GRM3: variants seen among roughly 807,000 people sequenced by gnomAD.
The protein encoded by GRM3 is glutamate metabotropic receptor 3.
A neutral mutation model predicts 70.5 loss-of-function variants in GRM3; 26 were observed. The observed-to-expected ratio is 0.37, with a 90% CI of 0.27 to 0.51. The LOEUF is 0.51. Ranked by LOEUF, GRM3 falls within the 20% of genes least tolerant of loss-of-function variation. The pLI, the probability that GRM3 is intolerant of heterozygous loss-of-function variation, is 0.93. For missense variants in GRM3, 859 were observed against 1,123.8 expected (o/e 0.76, Z 3.37); for synonymous variants, 443 against 434.9 (o/e 1.02, Z -0.23).
intron 1 of GRM3, among the ~76,000 whole-genome samples, chr7:86,750,581 A>G (rs1310987737): frequency 1.3e-5 from 2 of 152,078 alleles, no homozygotes; most frequent in African/African-American, 4.8e-5. Context: ...AAATCATTGA[A>G]ACTGGTGCTG....
rs185833543 is a variant in GRM3, at chr7:86,823,104, G to C, written c.1325-15735G>C. 3.9e-5 allele frequency among the ~76,000 whole-genome samples: 6 copies of C among 152,204 alleles called. No homozygotes were observed. The East Asian group carries it at 9.7e-4, about 24-fold the overall frequency. On this transcript the variant is annotated intron_variant, in intron 3 of 5. Coordinates refer to ENST00000361669, the MANE Select transcript of GRM3 (RefSeq NM_000840.3). ...AACCAGAAAAGAAGGGGACAGACTA[G>C]GAACAGAAAATCAGCTGCAAGGCTA... is the stretch of plus-strand genomic sequence containing the variant.
intron 1 of GRM3, among the ~76,000 whole-genome samples, chr7:86,669,185 A>G (rs1312759287): frequency 6.6e-6 from 1 of 152,162 alleles, no homozygotes; most frequent in Non-Finnish European, 1.5e-5. Flanking sequence ...GGCTGCACAT[A>G]ACATCACCTT....
At chr7:86,770,869 C>A (rs943293472) in intron 2 of GRM3, among the ~76,000 whole-genome samples, 3 of 152,012 alleles carry the variant, frequency 2.0e-5, no homozygotes, top group African/African-American at 7.2e-5. Context: ...TCTAGAGCAA[C>A]CTTGGCACTA....
chr7:86,772,065 C>T (rs1201702209), intron 2 of GRM3, among the ~76,000 whole-genome samples: 2 of 152,106 alleles, frequency 1.3e-5, no homozygotes, highest in Non-Finnish European at 2.9e-5. Flanking sequence ...GTAAATATAA[C>T]TGTTCATTTG....
intron 1 of GRM3, among the ~76,000 whole-genome samples, chr7:86,732,529 G>A (rs1795758483): frequency 6.6e-6 from 1 of 152,180 alleles, no homozygotes; most frequent in South Asian, 2.1e-4. Flanking sequence ...TAATAATGGT[G>A]TTAAGAACAA....
intron 1 of GRM3, among the ~76,000 whole-genome samples, chr7:86,723,893 A>G (rs1281837024): frequency 2.6e-5 from 4 of 152,162 alleles, no homozygotes. Context: ...AGCACAATGC[A>G]AGATTGGTGT....
chr7:86,702,229 A>G (rs372226007), intron 1 of GRM3, among the ~76,000 whole-genome samples: 2 of 151,992 alleles, frequency 1.3e-5, no homozygotes, highest in East Asian at 3.9e-4. Context: ...CTTCCTAGAT[A>G]ATCTGGGGAT....
At chr7:86,732,596 A>C (rs1208150615) in intron 1 of GRM3, among the ~76,000 whole-genome samples, 3 of 152,206 alleles carry the variant, frequency 2.0e-5, no homozygotes, top group African/African-American at 7.2e-5. Context: ...GCAATGTTCC[A>C]AGGATTAACT....
chr7:86,836,172 T>C (rs1211750742), intron 3 of GRM3, among the ~76,000 whole-genome samples: 2 of 152,138 alleles, frequency 1.3e-5, no homozygotes, highest in East Asian at 3.8e-4. Flanking sequence ...CATGGGAGTA[T>C]TAGTTGGTAA....
intron 1 of GRM3, among the ~76,000 whole-genome samples, chr7:86,748,627 T>G (rs1012665598): frequency 6.6e-6 from 1 of 152,098 alleles, no homozygotes; most frequent in Non-Finnish European, 1.5e-5. Flanking sequence ...TACTAAAACA[T>G]TTTATAATCT....
chr7:86,786,429 G>C lies in GRM3; in HGVS notation c.637G>C (p.Val213Leu). 1 of 1,614,110 alleles carries C rather than the reference G, an allele frequency of 6.2e-7. No homozygotes were observed. The highest frequency in any genetic ancestry group is 8.5e-7 in the Non-Finnish European group (1 of 1,179,926). ...CTTGCGCTTCTTCAACTGGACCTAC[G>C]TGTCCACAGTAGCCTCCGAGGGTGA... The part of the protein sequence containing the change: ...EILRFFNWTY[V>L]STVASEGDYG... The change falls in exon 3 of 6, where the codon GTG becomes CTG. Residue 213 changes from valine (V) to leucine (L), a missense_variant. Val to Leu is a conservative substitution (Grantham distance 32). Coordinates refer to ENST00000361669, the MANE Select transcript of GRM3 (RefSeq NM_000840.3). The surrounding 1 kb of genome is among the most constrained non-coding windows in gnomAD (Gnocchi z 6.0).
chr7:86,860,211 T>A (rs1479835431), intron 5 of GRM3, among the ~76,000 whole-genome samples: 2 of 152,122 alleles, frequency 1.3e-5, no homozygotes, highest in East Asian at 3.9e-4. Context: ...TTCATCAGAA[T>A]AACAGAAAAA....
chr7:86,804,600 G>A (rs376914092), intron 3 of GRM3, among the ~76,000 whole-genome samples: 19 of 152,122 alleles, frequency 1.2e-4, no homozygotes, highest in East Asian at 1.2e-3. Flanking sequence ...TAATAGAGAC[G>A]GGGTTTCACC....
Position 86,644,343 on chromosome 7 carries a change from T to G in GRM3, c.-670T>G. 1 of 272,406 alleles carries G rather than the reference T, an allele frequency of 3.7e-6. No homozygotes were observed. Among genetic ancestry groups the G allele is most frequent in the Non-Finnish European group, 7.2e-6 (1 of 139,726 alleles). The allele number at this position is 272,406 out of a possible 1,614,324, so 16.9% of individuals were successfully genotyped here. A position where few individuals can be genotyped will look rare whatever the true frequency, so the allele number is the denominator to read the frequency against. ...AAAGAACGAGAGAGGGAGGAAAGAA[T>G]GAAAAGGAGAGGATGCCAGGAGGTC... On this transcript the variant is annotated 5_prime_UTR_variant, in exon 1 of 6. An upstream start codon of the reference 5' UTR is lost. Coordinates refer to ENST00000361669, the MANE Select transcript of GRM3 (RefSeq NM_000840.3).
rs868793659 is a variant in GRM3 at position 86,806,318 on chromosome 7, C to T, written c.1324+19202C>T. 6.2e-4 allele frequency among the ~76,000 whole-genome samples: 94 copies of T among 152,248 alleles called. 1 individual carries two copies. The highest frequency in any genetic ancestry group is 2.1e-3 in the African/African-American group (88 of 41,530). ...TTCTAGTTCTAGATCCCTGAGGAAT[C>T]GCCACACTGACTTCCACAATGGTTG... On this transcript the variant is annotated intron_variant, in intron 3 of 5. Transcript: ENST00000361669.
At chr7:86,827,908 G>T (rs553201039) in intron 3 of GRM3, among the ~76,000 whole-genome samples, 2 of 151,930 alleles carry the variant, frequency 1.3e-5, no homozygotes, top group African/African-American at 2.4e-5. Context: ...GTCAGGAGAT[G>T]GAGACCATCC....
chr7:86,726,589 C>T (rs975832053), intron 1 of GRM3, among the ~76,000 whole-genome samples: 2 of 152,078 alleles, frequency 1.3e-5, no homozygotes, highest in African/African-American at 4.8e-5. Flanking sequence ...CCCATATTTC[C>T]CCCAGTTGGA....
intron 2 of GRM3, chr7:86,784,797 C>G (rs1359979980): frequency 2.0e-5 from 3 of 152,124 alleles, no homozygotes; most frequent in African/African-American, 7.2e-5. Flanking sequence ...TGTTAAGCCC[C>G]AGATTTCTAG....
chr7:86,786,131 C>A lies in GRM3; in HGVS notation c.469-130C>A. On this transcript the variant is annotated intron_variant, in intron 2 of 5. Coordinates refer to ENST00000361669, the MANE Select transcript of GRM3 (RefSeq NM_000840.3). This position sits in a 1 kb window ranked among gnomAD's most constrained non-coding sequence, Gnocchi z 6.0. ...ATCTGGTATTCATCTCAAGAACTAA[C>A]AGAAAAATGTAGCCATCTAGAGTAG... 1.3e-6 allele frequency: 1 copy of A among 777,102 alleles called. No individual in the cohort carries two copies. Among genetic ancestry groups the A allele is most frequent in the South Asian group, 1.7e-5 (1 of 59,268 alleles). The allele number at this position is 777,102 out of a possible 1,614,324, so 48.1% of individuals were successfully genotyped here.
Sources: gnomAD v4.1 joint callset for allele counts (sites outside exome capture counted in the v4.1 genomes callset) on GRCh38, gnomAD v4.1.1 for gene constraint, Gnocchi (gnomAD v3.1) non-coding constraint, MANE v1.5 for transcripts, NCBI Gene and HGNC (gene_info 2026-07-23, HGNC 2026-07-21) for gene names.